Variants in HYCC1 observed in about 807,000 individuals in gnomAD.
HYCC1 encodes the protein hyccin PI4KA lipid kinase complex subunit 1.
the HYCC1 span, chr7:22,936,115 T>A: frequency 1.3e-5 from 2 of 151,710 alleles, no homozygotes; most frequent in African/African-American, 4.8e-5. Flanking sequence ...AAAATCATAA[T>A]GGTGAACAGG....
chr7:22,958,078 A>G, the HYCC1 span, among the ~76,000 whole-genome samples: 1 of 152,050 alleles, frequency 6.6e-6, no homozygotes, highest in Admixed American at 6.6e-5. Context: ...ATATCTAAGA[A>G]GTACAGCAAA....
At chr7:23,001,836 T>C in the HYCC1 span, among the ~76,000 whole-genome samples, 1 of 151,970 alleles carries the variant, frequency 6.6e-6, no homozygotes, top group Non-Finnish European at 1.5e-5. Flanking sequence ...AAAATTCTTA[T>C]TTGCCCCTAA....
At chr7:22,975,903 G>GAGAC in the HYCC1 span, among the ~76,000 whole-genome samples, 1 of 152,042 alleles carries the variant, frequency 6.6e-6, no homozygotes, top group Admixed American at 6.5e-5. Context: ...ATTTGTTATA[G>GAGAC]AGACAGGGGT....
the HYCC1 span, chr7:23,014,027 G>A: frequency 2.1e-6 from 1 of 471,092 alleles, no homozygotes; most frequent in Admixed American, 2.3e-5. Flanking sequence ...AGCACCACCT[G>A]CTCCCCTTCT....
the HYCC1 span, chr7:22,978,335 G>A: frequency 6.2e-7 from 1 of 1,614,082 alleles, no homozygotes; most frequent in Non-Finnish European, 8.5e-7. Flanking sequence ...TGCTGGCTGA[G>A]ACTGCAAGGT....
At chr7:22,910,180 T>G in the HYCC1 span, among the ~76,000 whole-genome samples, 4 of 152,192 alleles carry the variant, frequency 2.6e-5, no homozygotes, top group African/African-American at 9.6e-5. Flanking sequence ...TGATCCTCAA[T>G]GTTGGAGGTG....
the HYCC1 span, among the ~76,000 whole-genome samples, chr7:22,906,772 C>T: frequency 3.5e-3 from 532 of 152,168 alleles, 2 homozygotes; most frequent in Non-Finnish European, 5.6e-3. Flanking sequence ...AAACCACTTA[C>T]GCATGCAGAC....
chr7:22,959,197 A>ATTCTT, the HYCC1 span, among the ~76,000 whole-genome samples: 1 of 152,122 alleles, frequency 6.6e-6, no homozygotes, highest in African/African-American at 2.4e-5. Context: ...TACACTTTAA[A>ATTCTT]AACACCAAAA....
At chr7:22,928,364 G>T in the HYCC1 span, among the ~76,000 whole-genome samples, 3 of 152,142 alleles carry the variant, frequency 2.0e-5, no homozygotes, top group African/African-American at 7.2e-5. Flanking sequence ...GGAAATAAAG[G>T]GCACTCAATT....
At chr7:22,927,745 C>T in the HYCC1 span, among the ~76,000 whole-genome samples, 4 of 152,302 alleles carry the variant, frequency 2.6e-5, no homozygotes, top group African/African-American at 9.6e-5. Context: ...CAGCTGAATT[C>T]TACCAGAGGT....
At chr7:23,012,454 A>T in the HYCC1 span, among the ~76,000 whole-genome samples, 1 of 152,200 alleles carries the variant, frequency 6.6e-6, no homozygotes, top group Non-Finnish European at 1.5e-5. Flanking sequence ...CCTCATGGTA[A>T]TTTCAATAAA....
the HYCC1 span, among the ~76,000 whole-genome samples, chr7:22,983,559 C>T: frequency 6.6e-6 from 1 of 152,132 alleles, no homozygotes; most frequent in Admixed American, 6.5e-5. Flanking sequence ...GCCTTGAAAC[C>T]ATGTGTTTAC....
At chr7:23,014,020 A>G in the HYCC1 span, 6 of 470,858 alleles carry the variant, frequency 1.3e-5, no homozygotes, top group African/African-American at 1.2e-4. Flanking sequence ...GAGTAGCAGC[A>G]CCACCTGCTC....
At chr7:22,958,780 A>G in the HYCC1 span, among the ~76,000 whole-genome samples, 1 of 152,136 alleles carries the variant, frequency 6.6e-6, no homozygotes, top group African/African-American at 2.4e-5. Flanking sequence ...GGGAGCATCA[A>G]TATTTCACAT....
the HYCC1 span, among the ~76,000 whole-genome samples, chr7:22,896,175 A>T: frequency 6.6e-6 from 1 of 152,228 alleles, no homozygotes. Context: ...AAAATGTTTC[A>T]AGTATTCAAC....
At chr7:22,965,625 TTTA>T in the HYCC1 span, among the ~76,000 whole-genome samples, 14 of 151,030 alleles carry the variant, frequency 9.3e-5, no homozygotes, top group African/African-American at 2.2e-4. Flanking sequence ...GAAATATTTA[TTTA>T]TTATTATTAG....
the HYCC1 span, among the ~76,000 whole-genome samples, chr7:22,961,860 TGTGTGTGTGTGCATGTGTGA>T: frequency 1.3e-5 from 2 of 151,682 alleles, no homozygotes; most frequent in African/African-American, 2.4e-5. Context: ...TCTGTGCATG[TGTGTGTGTGTGCATGTGTGA>T]GTGTGTGTGT....
At chr7:22,923,124 G>A in the HYCC1 span, among the ~76,000 whole-genome samples, 1 of 152,122 alleles carries the variant, frequency 6.6e-6, no homozygotes, top group African/African-American at 2.4e-5. Flanking sequence ...ATTTAAGTGT[G>A]CATGAAACCA....
At chr7:22,946,241 T>C in the HYCC1 span, 1 of 1,150,802 alleles carries the variant, frequency 8.7e-7, no homozygotes, top group Non-Finnish European at 1.3e-6. Flanking sequence ...ACCAAATCAG[T>C]TATGCTTTAC....
Sources: gnomAD v4.1 joint callset for allele counts (sites outside exome capture counted in the v4.1 genomes callset) on GRCh38, gnomAD v4.1.1 for gene constraint, MANE v1.5 for transcripts, NCBI Gene and HGNC (gene_info 2026-07-23, HGNC 2026-07-21) for gene names.